PPFIA1: variants seen among roughly 807,000 people sequenced by gnomAD.
PPFIA1 encodes liprin-alpha-1.
In PPFIA1, 25 loss-of-function variants were observed where a neutral mutation model predicts 149.9. The ratio of observed to expected loss-of-function variants is 0.17; its 90% CI spans 0.12 to 0.23. PPFIA1 has a LOEUF of 0.23. Among genes scored for constraint, PPFIA1 ranks in the 10% least tolerant of loss-of-function variants. The pLI is 1.00. For missense variants in PPFIA1, 1,362 were observed against 1,506.5 expected, an observed-to-expected ratio of 0.90 and a Z score of 1.59; for synonymous variants, 549 against 552.8, an observed-to-expected ratio of 0.99 and a Z score of 0.10.
Position 70,362,357 on chromosome 11 carries a change from T to A in PPFIA1, c.2734T>A (p.Ser912Thr). 6.2e-7 allele frequency: 1 copy of A among 1,614,208 alleles called. No individual in the cohort carries two copies. The highest frequency in any genetic ancestry group is 1.1e-5 in the South Asian group (1 of 91,086). The change falls in exon 21 of 28, where the codon TCG becomes ACG. Residue 912 changes from serine (S) to threonine (T), a missense_variant. Around this residue, in one of 7 missense-constraint regions of PPFIA1, gnomAD observed 349 missense variants for 373.3 expected, o/e 0.93. Coordinates refer to ENST00000253925, the MANE Select transcript of PPFIA1 (RefSeq NM_003626.5). ...AAACGTGAAAAGCGGGGCCATCATG[T>A]CGGCCCTGTCCGACACAGAGATCCA... ...RANVKSGAIMSALSDTEIQRE... is the reference protein window; with the variant it reads ...RANVKSGAIMTALSDTEIQRE...
At chr11:70,359,335 A>G (rs1157581292) in intron 19 of PPFIA1, among the ~76,000 whole-genome samples, 1 of 152,280 alleles carries the variant, frequency 6.6e-6, no homozygotes, top group East Asian at 1.9e-4. Context: ...TTAGTTTTGC[A>G]TGAGAAATGC....
chr11:70,358,407 G>A (rs982202886), intron 19 of PPFIA1: 10 of 152,278 alleles, frequency 6.6e-5, no homozygotes, highest in Admixed American at 2.0e-4. Flanking sequence ...ATTTTTAGTA[G>A]AGATGGGGTT....
Position 70,354,333 on chromosome 11 carries a change from C to G in PPFIA1, c.2196C>G (p.Asp732Glu). The G allele has an allele frequency of 6.2e-7, 1 of 1,614,034 alleles. No individual in the cohort carries two copies. The highest frequency in any genetic ancestry group is 1.1e-5 in the South Asian group (1 of 91,048). ...CTTCCAGAGAAGAGGTACGAGATGA[C>G]AAGACAACCATAAAGTGTGAAACCT... ...LPPSREEVRD[D>E]KTTIKCETSP... The change falls in exon 17 of 28, where the codon GAC becomes GAG. Residue 732 changes from aspartate (D) to glutamate (E), a missense_variant. Asp to Glu is a conservative substitution (Grantham distance 45). Around this residue, in one of 7 missense-constraint regions of PPFIA1, gnomAD observed 733 missense variants for 744.1 expected, o/e 0.99. Transcript: ENST00000253925.
At position 70,362,429 on chromosome 11, in the gene PPFIA1, C is replaced by T; in HGVS notation, c.2806C>T (p.Leu936=). ...CCCCCTGCACAGGCTGAAGCTGAGGCTGGCCATCCAGGAGATCATGTCGCT... is the reference window on the plus strand; with the variant it reads ...CCCCCTGCACAGGCTGAAGCTGAGGTTGGCCATCCAGGAGATCATGTCGCT... The part of the protein sequence containing the change: ...SNPLHRLKLR[L]AIQEIMSLTS... Residue 936 remains leucine (L), a synonymous_variant, in exon 21 of 28, where the codon CTG becomes TTG. Transcript: ENST00000253925. 6.2e-7 allele frequency: 1 copy of T among 1,614,186 alleles called. No individual in the cohort carries two copies. Among genetic ancestry groups the T allele is most frequent in the Non-Finnish European group, 8.5e-7 (1 of 1,180,016 alleles).
chr11:70,356,051 C>T (rs1368740019), intron 18 of PPFIA1, 110 bp from the exon 19 acceptor site: 2 of 1,080,774 alleles, frequency 1.9e-6, no homozygotes, highest in Non-Finnish European at 2.8e-6. Context: ...GAAACTTAGC[C>T]TTAAGAAATG....
chr11:70,372,595 T>G, intron 23 of PPFIA1, 21 bp downstream of exon 23: 1 of 1,576,330 alleles, frequency 6.3e-7, no homozygotes, highest in East Asian at 2.2e-5. Context: ...GACATTTAAT[T>G]GATTCGGTTT....
chr11:70,343,737 A>G lies in PPFIA1; in HGVS notation c.1776A>G (p.Gln592=), dbSNP rs1181774144. 1.2e-6 allele frequency: 2 copies of G among 1,614,254 alleles called. No homozygotes were observed. The highest frequency in any genetic ancestry group is 3.3e-5 in the Admixed American group (2 of 60,032). ...CTAGTGTCTTGGCAAATGTAGCACAAGCATTCGAGAGTGATGCTGACGTGT... is the reference window on the plus strand; with the variant it reads ...CTAGTGTCTTGGCAAATGTAGCACAGGCATTCGAGAGTGATGCTGACGTGT... ...QQASVLANVA[Q]AFESDADVSD... is the part of the protein sequence containing the mutation. The change falls in exon 15 of 28, where the codon CAA becomes CAG. Residue 592 remains glutamine, a synonymous_variant. Transcript: ENST00000253925.
intron 19 of PPFIA1, among the ~76,000 whole-genome samples, chr11:70,360,975 G>A (rs1259360362): frequency 6.6e-6 from 1 of 152,136 alleles, no homozygotes; most frequent in Non-Finnish European, 1.5e-5. Context: ...AAGCCTTGTA[G>A]GTAAACACTT....
intron 16 of PPFIA1, 43 bp downstream of exon 16, chr11:70,348,463 C>T: frequency 3.4e-6 from 5 of 1,453,964 alleles, no homozygotes; most frequent in Non-Finnish European, 4.8e-6. Context: ...CCTCAGCATA[C>T]CTGTATGAAA....
chr11:70,357,284 C>T (rs1255325943), intron 19 of PPFIA1, among the ~76,000 whole-genome samples: 1 of 152,146 alleles, frequency 6.6e-6, no homozygotes, highest in Non-Finnish European at 1.5e-5. Context: ...AACCAGTGCT[C>T]ATCTGGAAAT....
rs1339285192 is a variant in PPFIA1, at chr11:70,372,357, G to A, written c.3008G>A (p.Arg1003Gln). 5.6e-6 allele frequency: 9 copies of A among 1,614,066 alleles called. No homozygotes were observed. The highest frequency in any genetic ancestry group is 1.3e-5 in the African/African-American group (1 of 74,918). Residue 1003 changes from arginine (R) to glutamine (Q), a missense_variant, in exon 22 of 28, where the codon CGA becomes CAA. This residue lies in a region of PPFIA1 where 349 missense variants were observed against 373.3 expected (regional missense o/e 0.93). Transcript: ENST00000253925. ...MLDHLTKKDL[R>Q]GQLKMVDSFH... ...GACCACTTGACCAAGAAAGACCTTC[G>A]AGGGCAGCTGAAAATGGTCGACAGT...
chr11:70,369,313 T>G (rs1465004256), intron 21 of PPFIA1, among the ~76,000 whole-genome samples: 1 of 152,218 alleles, frequency 6.6e-6, no homozygotes, highest in Non-Finnish European at 1.5e-5. Flanking sequence ...TTGAATCAAC[T>G]TATGTTTCTA....
intron 14 of PPFIA1, 59 bp from the exon 15 acceptor site, chr11:70,343,610 A>G (rs1416442773): frequency 1.3e-5 from 19 of 1,457,332 alleles, no homozygotes; most frequent in African/African-American, 2.8e-5. Context: ...CGATAGATTT[A>G]TGTTTCTACA....
chr11:70,327,465 CTG>C (rs2054374208), intron 7 of PPFIA1: 1 of 152,368 alleles, frequency 6.6e-6, no homozygotes. Flanking sequence ...GCCATTATAA[CTG>C]TGAGAAACTA....
intron 21 of PPFIA1, among the ~76,000 whole-genome samples, chr11:70,366,871 A>G (rs2056968603): frequency 6.6e-6 from 1 of 151,996 alleles, no homozygotes; most frequent in Non-Finnish European, 1.5e-5. Context: ...TGTATTTTTT[A>G]ACAAAATAGA....
At position 70,326,621 on chromosome 11, in the gene PPFIA1, C is replaced by A; in HGVS notation, c.733C>A (p.His245Asn). 6.2e-7 allele frequency: 1 copy of A among 1,613,852 alleles called. No individual in the cohort carries two copies. Among genetic ancestry groups the A allele is most frequent in the Non-Finnish European group, 8.5e-7 (1 of 1,179,978 alleles). Residue 245 changes from histidine (H) to asparagine (N), a missense_variant, in exon 7 of 28, where the codon CAC (histidine) becomes AAC (asparagine). Physicochemically the swap from His to Asn is moderately conservative, Grantham distance 68. Coordinates refer to ENST00000253925, the MANE Select transcript of PPFIA1 (RefSeq NM_003626.5). Reference protein sequence around the residue: ...GKRSSDGSLSHEEDLAKVIEL... With the variant: ...GKRSSDGSLSNEEDLAKVIEL... ...GAGATCTTCTGATGGTTCTTTAAGC[C>A]ACGAGGAAGACCTTGCTAAAGTAAT...
chr11:70,315,678 GTT>G (rs71049904), intron 2 of PPFIA1, among the ~76,000 whole-genome samples: 20,436 of 73,964 alleles, frequency 0.28, 884 homozygotes, highest in Admixed American at 0.32. Context: ...CTTTTTTTCT[GTT>G]TTTTTTTTTT....
intron 2 of PPFIA1, among the ~76,000 whole-genome samples, chr11:70,323,113 C>G (rs2054049244): frequency 6.6e-6 from 1 of 152,226 alleles, no homozygotes. Context: ...TGCTGACTAG[C>G]CAGCCGCAGT....
In PPFIA1 at chr11:70,325,104, C is replaced by G. The variant is rs962246144; in HGVS notation, c.531+93C>G. 34 of 1,235,606 alleles carry G rather than the reference C, an allele frequency of 2.8e-5. No homozygotes were observed. In the Admixed American group the frequency reaches 8.7e-4, roughly 32 times the overall value. The allele number at this position is 1,235,606 out of a possible 1,614,324, so 76.5% of individuals were successfully genotyped here. ...GTGTAACTTTTGTTTTTTGAAGCTT[C>G]TTGAATTCTTGGAAATAACTTCTCT... On this transcript the variant is annotated intron_variant, in intron 4 of 27. Transcript: ENST00000253925.
Sources: gnomAD v4.1 joint callset for allele counts (sites outside exome capture counted in the v4.1 genomes callset) on GRCh38, gnomAD v4.1.1 for gene constraint, gnomAD v4.1.1 regional missense constraint, MANE v1.5 for transcripts, NCBI Gene and HGNC (gene_info 2026-07-23, HGNC 2026-07-21) for gene names.